FAM135B: variants seen among roughly 807,000 people sequenced by gnomAD.
FAM135B encodes protein FAM135B.
In FAM135B, 43 loss-of-function variants were observed where a neutral mutation model predicts 127.7. The ratio of observed to expected loss-of-function variants is 0.34; its 90% CI spans 0.26 to 0.43. The LOEUF is 0.43. FAM135B is among the 20% of genes least tolerant of loss of function. The probability of loss-of-function intolerance (pLI) is 1.00; values close to 1 mark genes in which losing one functional copy is unlikely to be tolerated. For missense variants in FAM135B, 1,558 were observed against 1,725.6 expected (o/e 0.90, Z 1.72); for synonymous variants, 670 against 665.1 (o/e 1.01, Z -0.11).
At chr8:138,222,642 TTTTGTTTGTTTG>T (rs1306891619) in intron 7 of FAM135B, among the ~76,000 whole-genome samples, 1 of 151,592 alleles carries the variant, frequency 6.6e-6, no homozygotes, top group Non-Finnish European at 1.5e-5. Flanking sequence ...TGGTGGGGTT[TTTTGTTTGTTTG>T]TTTGTAGGAT....
intron 12 of FAM135B, among the ~76,000 whole-genome samples, chr8:138,154,347 G>A (rs1818488142): frequency 6.6e-6 from 1 of 152,132 alleles, no homozygotes; most frequent in African/African-American, 2.4e-5. Flanking sequence ...AACCAGAGCA[G>A]AAAAGCTGAA....
intron 4 of FAM135B, among the ~76,000 whole-genome samples, chr8:138,260,155 G>C (rs1384405357): frequency 6.6e-6 from 1 of 152,188 alleles, no homozygotes; most frequent in Admixed American, 6.5e-5. Context: ...CCCACAAACT[G>C]TGTTTGCTTT....
In FAM135B at chr8:138,152,747, A is replaced by T. The variant is rs1351148517; in HGVS notation, c.1728T>A (p.His576Gln). 6.2e-6 allele frequency: 10 copies of T among 1,614,186 alleles called. No homozygotes were observed. Among genetic ancestry groups the T allele is most frequent in the Non-Finnish European group, 8.5e-6 (10 of 1,180,024 alleles). ...AEPLVAFNAQ[H>Q]ESRSSRDKYG... ...ACTTATCTCTAGAGCTCCTACTCTC[A>T]TGCTGAGCATTGAAGGCCACCAGGG... Residue 576 changes from histidine to glutamine, a missense_variant, in exon 13 of 20, where the codon CAT becomes CAA. Physicochemically the swap from His to Gln is conservative, Grantham distance 24. Transcript: ENST00000395297.
chr8:138,159,453 A>G (rs1485107586), intron 12 of FAM135B, among the ~76,000 whole-genome samples: 7 of 151,038 alleles, frequency 4.6e-5, no homozygotes, highest in Admixed American at 2.6e-4. Flanking sequence ...TGTCCTTTGT[A>G]GGGACATGGA....
intron 1 of FAM135B, among the ~76,000 whole-genome samples, chr8:138,495,149 G>T (rs368335437): frequency 3.2e-4 from 49 of 152,316 alleles, no homozygotes; most frequent in African/African-American, 9.6e-4. Context: ...ACTTGCACAA[G>T]ACATCAGGTT....
At position 138,186,202 on chromosome 8, in the gene FAM135B, A is replaced by G. The variant is rs1024107600; in HGVS notation, c.874-7512T>C. ...GCTCCCTGGTTCCAGTACTGACCAC[A>G]TCAGCAGGGTCCACCTTATCTGTGA... is the stretch of plus-strand genomic sequence containing the variant. On this transcript the variant is annotated intron_variant, in intron 9 of 19. Transcript: ENST00000395297. 2.6e-5 allele frequency among the ~76,000 whole-genome samples: 4 copies of G among 152,152 alleles called. No homozygotes were observed. The South Asian group carries it at 8.3e-4, about 32-fold the overall frequency.
Position 138,159,064 on chromosome 8 carries a change from AG to A in FAM135B, c.1259-5849del, listed in dbSNP as rs560864763. Reference sequence around the variant, plus strand: ...GAGGCGGGTGGATCATGAGGTCAGGAGATCGAGACCATCCTGGCTAACAAGG... The same window carrying A: ...GAGGCGGGTGGATCATGAGGTCAGGAATCGAGACCATCCTGGCTAACAAGG... On this transcript the variant is annotated intron_variant, in intron 12 of 19. Coordinates refer to ENST00000395297, the MANE Select transcript of FAM135B (RefSeq NM_015912.4). Among the ~76,000 whole-genome samples the A allele has an allele frequency of 1.5e-3, 232 of 150,470 alleles. 2 individuals carry two copies. The highest frequency in any genetic ancestry group is 5.4e-3 in the African/African-American group (220 of 40,930).
chr8:138,167,006 G>A (rs567863362), intron 12 of FAM135B, among the ~76,000 whole-genome samples: 5 of 151,972 alleles, frequency 3.3e-5, no homozygotes, highest in South Asian at 4.2e-4. Flanking sequence ...ATCTCAGGGC[G>A]CACTCACACA....
At chr8:138,417,083 C>A (rs2131433384) in intron 1 of FAM135B, among the ~76,000 whole-genome samples, 1 of 152,290 alleles carries the variant, frequency 6.6e-6, no homozygotes. Context: ...GGCTTGGGAA[C>A]AACTATAGTG....
At chr8:138,382,445 C>T (rs1013489352) in intron 1 of FAM135B, among the ~76,000 whole-genome samples, 9 of 152,076 alleles carry the variant, frequency 5.9e-5, no homozygotes, top group Admixed American at 2.6e-4. Flanking sequence ...CATAGTCTCA[C>T]AGGGATATGG....
At chr8:138,274,686 G>A (rs956427993) in intron 3 of FAM135B, among the ~76,000 whole-genome samples, 1 of 152,056 alleles carries the variant, frequency 6.6e-6, no homozygotes, top group Non-Finnish European at 1.5e-5. Flanking sequence ...CACGCCCAGG[G>A]GAGCCAGTTC....
At chr8:138,182,817 A>G (rs1815193127) in intron 9 of FAM135B, among the ~76,000 whole-genome samples, 1 of 152,206 alleles carries the variant, frequency 6.6e-6, no homozygotes, top group Non-Finnish European at 1.5e-5. Context: ...GCCCATCGGA[A>G]TCACTAGGAG....
chr8:138,402,125 G>C lies in FAM135B; in HGVS notation c.-19-34123C>G, dbSNP rs117198479. Among the ~76,000 whole-genome samples the C allele has an allele frequency of 5.4e-3, 815 of 152,216 alleles. 2 individuals carry two copies. The highest frequency in any genetic ancestry group is 8.7e-3 in the Non-Finnish European group (590 of 68,016). Reference sequence around the variant, plus strand: ...GGCTCTTACGCAGAGAAAACAAAGAGAAGGAATAGCTGCAGGTCAACTCCA... The same window carrying C: ...GGCTCTTACGCAGAGAAAACAAAGACAAGGAATAGCTGCAGGTCAACTCCA... On this transcript the variant is annotated intron_variant, in intron 1 of 19. Transcript: ENST00000395297.
chr8:138,452,012 C>T (rs960059858), intron 1 of FAM135B, among the ~76,000 whole-genome samples: 1 of 151,212 alleles, frequency 6.6e-6, no homozygotes, highest in East Asian at 1.9e-4. Context: ...CATTTAAATG[C>T]AGACAAAATA....
At chr8:138,481,661 T>C (rs576127170) in intron 1 of FAM135B, among the ~76,000 whole-genome samples, 91 of 152,324 alleles carry the variant, frequency 6.0e-4, no homozygotes, top group African/African-American at 2.1e-3. Context: ...AGCCAGCCTT[T>C]GGTCATGCTT....
intron 2 of FAM135B, among the ~76,000 whole-genome samples, chr8:138,354,240 G>A (rs150339804): frequency 2.0e-5 from 3 of 152,152 alleles, no homozygotes; most frequent in East Asian, 3.9e-4. Flanking sequence ...CCCAGCTCCA[G>A]AAGGGGACAC....
chr8:138,290,634 T>C (rs960696477), intron 3 of FAM135B, among the ~76,000 whole-genome samples: 2 of 152,166 alleles, frequency 1.3e-5, no homozygotes, highest in African/African-American at 2.4e-5. Context: ...TTACTCCTGA[T>C]GGTTTATTTT....
intron 9 of FAM135B, among the ~76,000 whole-genome samples, chr8:138,179,955 G>A (rs1211877611): frequency 6.6e-6 from 1 of 152,142 alleles, no homozygotes; most frequent in Admixed American, 6.5e-5. Context: ...TTACACGTAT[G>A]AGCCATCACA....
intron 3 of FAM135B, among the ~76,000 whole-genome samples, chr8:138,276,230 T>C (rs1308729696): frequency 2.0e-5 from 3 of 152,164 alleles, no homozygotes; most frequent in African/African-American, 7.2e-5. Context: ...ATTCAGGCTT[T>C]CCTGAACCAT....
Sources: gnomAD v4.1 joint callset for allele counts (sites outside exome capture counted in the v4.1 genomes callset) on GRCh38, gnomAD v4.1.1 for gene constraint, MANE v1.5 for transcripts, NCBI Gene and HGNC (gene_info 2026-07-23, HGNC 2026-07-21) for gene names.